Variants in ATP6V0A4 observed in about 807,000 individuals in gnomAD.
The protein encoded by ATP6V0A4 is ATPase H+ transporting V0 subunit a4.
ATP6V0A4 carries 86 observed loss-of-function variants against 107.3 expected under a neutral mutation model. The ratio of observed to expected loss-of-function variants is 0.80; its 90% CI spans 0.67 to 0.96. The LOEUF (loss-of-function observed/expected upper bound fraction) is 0.96. Among genes scored for constraint, ATP6V0A4 ranks in the 40% least tolerant of loss-of-function variants. The probability of loss-of-function intolerance (pLI) is 0.00; values close to 1 mark genes in which losing one functional copy is unlikely to be tolerated. For missense variants in ATP6V0A4, 908 were observed against 1,045.6 expected (o/e 0.87, Z 1.81); for synonymous variants, 353 against 381.4 (o/e 0.93, Z 0.87).
At chr7:138,796,140 A>C (rs1258900883) in intron 1 of ATP6V0A4, among the ~76,000 whole-genome samples, 1 of 152,186 alleles carries the variant, frequency 6.6e-6, no homozygotes, top group Non-Finnish European at 1.5e-5. Context: ...CATTTGTTCT[A>C]CTAAGCAGCG....
chr7:138,713,280 G>GAAAA (rs10673617), intron 20 of ATP6V0A4, among the ~76,000 whole-genome samples: 17 of 120,722 alleles, frequency 1.4e-4, no homozygotes, highest in Non-Finnish European at 1.9e-4. Flanking sequence ...ACTCCAGCCT[G>GAAAA]AAAAAAAAAA....
At chr7:138,769,934 C>T (rs1046142112) in intron 3 of ATP6V0A4, among the ~76,000 whole-genome samples, 9 of 151,914 alleles carry the variant, frequency 5.9e-5, no homozygotes, top group Non-Finnish European at 1.3e-4. Context: ...CAAAATTAAC[C>T]GAGCGTGGTG....
At chr7:138,735,362 C>A (rs141806957) in intron 15 of ATP6V0A4, among the ~76,000 whole-genome samples, 11 of 152,254 alleles carry the variant, frequency 7.2e-5, no homozygotes, top group Non-Finnish European at 1.5e-4. Flanking sequence ...ATGTCAAAGG[C>A]GACAAGGGCA....
chr7:138,730,931 C>CTTTTTTTTTT (rs66521953), intron 17 of ATP6V0A4, among the ~76,000 whole-genome samples: 1 of 123,750 alleles, frequency 8.1e-6, no homozygotes, highest in Admixed American at 9.4e-5. Context: ...TCTTCTTCTT[C>CTTTTTTTTTT]TTTTTTTATT....
chr7:138,729,862 T>A (rs1246364594), intron 17 of ATP6V0A4, among the ~76,000 whole-genome samples: 1 of 152,222 alleles, frequency 6.6e-6, no homozygotes. Flanking sequence ...GTGAACACTT[T>A]ATCGGTTCCA....
At chr7:138,733,115 A>G in intron 16 of ATP6V0A4, 22 bp from the exon 17 acceptor site, 2 of 1,613,974 alleles carry the variant, frequency 1.2e-6, no homozygotes, top group Non-Finnish European at 1.7e-6. Context: ...AGACACACAC[A>G]TACACAAGAT....
intron 18 of ATP6V0A4, among the ~76,000 whole-genome samples, chr7:138,723,055 CAAAAAAA>C (rs34685977): frequency 2.5e-5 from 3 of 122,416 alleles, no homozygotes; most frequent in African/African-American, 9.3e-5. Context: ...GAGACTGTCT[CAAAAAAA>C]AAAAAAAAAA....
rs1372063949 is a variant in ATP6V0A4, at chr7:138,759,983, C to G, written c.513-105G>C. 3.1e-6 allele frequency: 5 copies of G among 1,588,476 alleles called. No individual in the cohort carries two copies. The African/African-American group carries it at 6.7e-5, about 21-fold the overall frequency. ...ACACCATGAAAGGAAGGGCCATTCA[C>G]TCTGTGAGCAGGAGGGACCCCGACA... On this transcript the variant is annotated intron_variant, in intron 7 of 21. Coordinates refer to ENST00000310018, the MANE Select transcript of ATP6V0A4 (RefSeq NM_020632.3).
At chr7:138,714,152 G>A (rs560050096) in intron 20 of ATP6V0A4, among the ~76,000 whole-genome samples, 5 of 150,746 alleles carry the variant, frequency 3.3e-5, no homozygotes, top group South Asian at 4.3e-4. Context: ...AAGCTGAGGC[G>A]GTAGAATGAC....
chr7:138,747,450 A>C lies in ATP6V0A4; in HGVS notation c.1295T>G (p.Leu432Trp), dbSNP rs1433391276. 6.2e-7 allele frequency: 1 copy of C among 1,614,156 alleles called. No individual in the cohort carries two copies. Among genetic ancestry groups the C allele is most frequent in the South Asian group, 1.1e-5 (1 of 91,082 alleles). Residue 432 changes from leucine (L) to tryptophan (W), a missense_variant, in exon 13 of 22, where the codon TTG (leucine) becomes TGG (tryptophan). By Grantham distance (61) the Leu-to-Trp change is moderately conservative. Transcript: ENST00000310018. Reference protein sequence around the residue: ...ALWMILNERRLLSQKTDNEIW... With the variant: ...ALWMILNERRWLSQKTDNEIW... ...CTCATTGTCTGTCTTCTGGGAGAGC[A>C]AGCGTCTCTCATTCAGAATCATCCA...
chr7:138,791,813 G>A (rs964906800), intron 1 of ATP6V0A4, among the ~76,000 whole-genome samples: 21 of 152,110 alleles, frequency 1.4e-4, no homozygotes, highest in Admixed American at 3.3e-4. Flanking sequence ...ATACTAAATG[G>A]TATTCTTCAA....
intron 17 of ATP6V0A4, among the ~76,000 whole-genome samples, chr7:138,732,425 G>A (rs1805066200): frequency 6.6e-6 from 1 of 152,094 alleles, no homozygotes. Flanking sequence ...CTTTTGAGAT[G>A]TAAAGGATGT....
At chr7:138,795,815 G>GT (rs1563026886) in intron 1 of ATP6V0A4, among the ~76,000 whole-genome samples, 3 of 124,934 alleles carry the variant, frequency 2.4e-5, no homozygotes, top group Non-Finnish European at 5.5e-5. Flanking sequence ...TAATTTTTTT[G>GT]TGTTTTTTTT....
chr7:138,706,651 G>A lies in ATP6V0A4; in HGVS notation c.2496C>T (p.His832=). The change falls in exon 22 of 22, where the codon CAC becomes CAT. Residue 832 remains histidine (H), a synonymous_variant. Coordinates refer to ENST00000310018, the MANE Select transcript of ATP6V0A4 (RefSeq NM_020632.3). ...GYKFSPFSFK[H]ILDGTAEE ...ACTCCTCGGCTGTGCCATCCAGGAT[G>A]TGTTTAAAGGAGAATGGAGAAAACT... 1 of 1,614,002 alleles carries A rather than the reference G, an allele frequency of 6.2e-7. No individual in the cohort carries two copies. Among genetic ancestry groups the A allele is most frequent in the Non-Finnish European group, 8.5e-7 (1 of 1,179,968 alleles).
At chr7:138,707,208 T>TTA (rs1554385901) in intron 21 of ATP6V0A4, among the ~76,000 whole-genome samples, 3 of 60,738 alleles carry the variant, frequency 4.9e-5, no homozygotes, top group African/African-American at 1.6e-4. Flanking sequence ...ATATAATATA[T>TTA]TATATTATAT....
At chr7:138,783,936 A>G (rs1808030801) in intron 2 of ATP6V0A4, among the ~76,000 whole-genome samples, 1 of 151,984 alleles carries the variant, frequency 6.6e-6, no homozygotes, top group Non-Finnish European at 1.5e-5. Flanking sequence ...AATTTGTCCA[A>G]AATCAGAGTA....
Position 138,771,155 on chromosome 7 carries a change from C to T in ATP6V0A4, c.93G>A (p.Glu31=), listed in dbSNP as rs762534138. ...CATCTTTGAACTGAACCAATCCGAG[C>T]TCTCCGAGCTCAGCCACACAGCAAT... ...AAYCCVAELG[E]LGLVQFKDLN... is the part of the protein sequence containing the mutation. The change falls in exon 3 of 22, where the codon GAG becomes GAA. Residue 31 remains glutamate, a synonymous_variant. Coordinates refer to ENST00000310018, the MANE Select transcript of ATP6V0A4 (RefSeq NM_020632.3). 38 of 1,614,184 alleles carry T rather than the reference C, an allele frequency of 2.4e-5. No individual in the cohort carries two copies. In the South Asian group the frequency reaches 3.3e-4, roughly 14 times the overall value.
chr7:138,791,521 CA>C (rs1229780720), intron 1 of ATP6V0A4, among the ~76,000 whole-genome samples: 1 of 152,120 alleles, frequency 6.6e-6, no homozygotes, highest in Non-Finnish European at 1.5e-5. Flanking sequence ...CATACTTCAG[CA>C]CATCAGAGTA....
At chr7:138,722,377 G>A (rs1804465890) in intron 18 of ATP6V0A4, among the ~76,000 whole-genome samples, 1 of 151,566 alleles carries the variant, frequency 6.6e-6, no homozygotes, top group African/African-American at 2.4e-5. Context: ...GAAAAGAAAT[G>A]TGCCCAGCTG....
Sources: allele counts gnomAD v4.1 joint callset (sites outside exome capture counted in the v4.1 genomes callset), GRCh38; gene constraint gnomAD v4.1.1; transcripts MANE v1.5; gene names NCBI Gene and HGNC (gene_info 2026-07-23, HGNC 2026-07-21).